DUSP16: variants seen among roughly 807,000 people sequenced by gnomAD.
The protein encoded by DUSP16 is dual specificity protein phosphatase 16.
In DUSP16, 21 loss-of-function variants were observed where a neutral mutation model predicts 58.3. That is an observed-to-expected ratio of 0.36 (90% CI 0.26 to 0.52). DUSP16 has a LOEUF of 0.52. Ranked by LOEUF, DUSP16 falls within the 20% of genes least tolerant of loss-of-function variation. The pLI is 0.94. For missense variants in DUSP16, 726 were observed against 819.0 expected, an observed-to-expected ratio of 0.89 and a Z score of 1.39; for synonymous variants, 320 against 323.8, an observed-to-expected ratio of 0.99 and a Z score of 0.12.
intron 3 of DUSP16, among the ~76,000 whole-genome samples, chr12:12,501,954 C>T (rs1458738102): frequency 6.6e-6 from 1 of 152,112 alleles, no homozygotes; most frequent in African/African-American, 2.4e-5. Flanking sequence ...TGCGCCACTG[C>T]ACTCCAGCCT....
At chr12:12,486,411 A>G (rs1943682869) in intron 5 of DUSP16, among the ~76,000 whole-genome samples, 3 of 151,918 alleles carry the variant, frequency 2.0e-5, no homozygotes. Context: ...GAACAAGCCC[A>G]GGAAGCACAA....
intron 5 of DUSP16, among the ~76,000 whole-genome samples, chr12:12,485,995 G>A (rs1397876023): frequency 6.0e-5 from 9 of 151,216 alleles, no homozygotes; most frequent in Admixed American, 3.3e-4. Context: ...GGTTTTCACT[G>A]TGTTAGCCAG....
At chr12:12,485,406 T>C (rs190997686) in intron 5 of DUSP16, 1 of 152,148 alleles carries the variant, frequency 6.6e-6, no homozygotes, top group Admixed American at 6.5e-5. Flanking sequence ...AACCTGGAAA[T>C]CTTGAAAAAA....
chr12:12,543,137 C>T (rs1309147087), intron 1 of DUSP16, among the ~76,000 whole-genome samples: 3 of 152,118 alleles, frequency 2.0e-5, no homozygotes, highest in Admixed American at 6.6e-5. Context: ...TAAGACTGTA[C>T]TAGACAGTAC....
At chr12:12,518,063 C>T (rs1243099983) in intron 3 of DUSP16, among the ~76,000 whole-genome samples, 4 of 152,212 alleles carry the variant, frequency 2.6e-5, no homozygotes, top group Non-Finnish European at 2.9e-5. Context: ...AGCTAAAGCA[C>T]CTGTGCTAGA....
chr12:12,543,640 TA>T lies in DUSP16; in HGVS notation c.-366+18476del, dbSNP rs1438508019. ...TGAGTGATAAATTGGCTAAATATAT[TA>T]TTATATCAATGTAGTATACCATATG... On this transcript the variant is annotated intron_variant, in intron 1 of 6. Transcript: ENST00000298573. Among the ~76,000 whole-genome samples, 15 of 151,650 alleles carry T rather than the reference TA, an allele frequency of 9.9e-5. 1 individual carries two copies. The highest frequency in any genetic ancestry group is 3.2e-4 in the African/African-American group (13 of 41,002).
At chr12:12,553,910 A>G (rs560430196) in intron 1 of DUSP16, among the ~76,000 whole-genome samples, 2 of 152,278 alleles carry the variant, frequency 1.3e-5, no homozygotes, top group South Asian at 4.1e-4. Flanking sequence ...GAAAATGTCA[A>G]GTGCAGGCCA....
intron 1 of DUSP16, among the ~76,000 whole-genome samples, chr12:12,527,689 T>C (rs544124788): frequency 5.3e-5 from 8 of 152,358 alleles, no homozygotes; most frequent in African/African-American, 1.9e-4. Context: ...TGCCTATTAA[T>C]GTCTGATCAT....
chr12:12,489,145 T>C (rs1019892142), intron 4 of DUSP16, among the ~76,000 whole-genome samples: 1 of 152,178 alleles, frequency 6.6e-6, no homozygotes, highest in Non-Finnish European at 1.5e-5. Context: ...CCATCTCTTA[T>C]CTCTGAGATG....
chr12:12,500,399 C>T (rs1943891325), intron 4 of DUSP16, 120 bp downstream of exon 4: 4 of 1,217,602 alleles, frequency 3.3e-6, no homozygotes, highest in Non-Finnish European at 4.5e-6. Flanking sequence ...GGGGAGCACA[C>T]TGAGAATGGC....
rs1943358852 is a variant in DUSP16 at position 12,473,696 on chromosome 12, G to A, written c.*3137C>T. Among the ~76,000 whole-genome samples, 4 of 152,126 alleles carry A rather than the reference G, an allele frequency of 2.6e-5. No homozygotes were observed. ...TGCACTGAAGCTTTATTCCTTCAAT[G>A]CCTAATTTTTATGAAACTGATGAGA... On this transcript the variant is annotated 3_prime_UTR_variant, in exon 7 of 7. Transcript: ENST00000298573.
At chr12:12,514,959 C>A (rs533554321) in intron 3 of DUSP16, among the ~76,000 whole-genome samples, 12 of 152,146 alleles carry the variant, frequency 7.9e-5, no homozygotes, top group African/African-American at 2.9e-4. Context: ...ATGCCTGGCA[C>A]CTTGTACAAT....
intron 1 of DUSP16, among the ~76,000 whole-genome samples, chr12:12,541,189 A>G (rs1944554917): frequency 6.6e-6 from 1 of 151,632 alleles, no homozygotes; most frequent in Non-Finnish European, 1.5e-5. Context: ...AAACTCCTGG[A>G]CTCAAGCAAT....
At chr12:12,549,076 A>T (rs1944690325) in intron 1 of DUSP16, among the ~76,000 whole-genome samples, 1 of 152,236 alleles carries the variant, frequency 6.6e-6, no homozygotes, top group African/African-American at 2.4e-5. Flanking sequence ...AAATACAATT[A>T]GTCTTTCATT....
At chr12:12,544,474 C>A (rs1318012359) in intron 1 of DUSP16, among the ~76,000 whole-genome samples, 1 of 152,104 alleles carries the variant, frequency 6.6e-6, no homozygotes, top group Non-Finnish European at 1.5e-5. Context: ...TGGGTATACA[C>A]CTAGGAGTGG....
At chr12:12,525,242 G>C (rs548462018) in intron 1 of DUSP16, among the ~76,000 whole-genome samples, 2 of 151,478 alleles carry the variant, frequency 1.3e-5, no homozygotes, top group South Asian at 4.2e-4. Context: ...ATATATGCAT[G>C]TCTGGAAATC....
chr12:12,498,541 A>C (rs971022612), intron 4 of DUSP16, among the ~76,000 whole-genome samples: 1 of 151,862 alleles, frequency 6.6e-6, no homozygotes, highest in Non-Finnish European at 1.5e-5. Context: ...CAGCCTCCCA[A>C]GTAGCTGGAA....
At chr12:12,558,140 T>G (rs1278252464) in intron 1 of DUSP16, among the ~76,000 whole-genome samples, 1 of 152,256 alleles carries the variant, frequency 6.6e-6, no homozygotes, top group African/African-American at 2.4e-5. Context: ...ACTTTTGGAA[T>G]CCATCTCAGC....
At position 12,487,157 on chromosome 12, in the gene DUSP16, CAT is replaced by C; in HGVS notation, c.560_561del (p.Tyr187CysfsTer12). The C allele has an allele frequency of 6.2e-7, 1 of 1,614,116 alleles. No individual in the cohort carries two copies. On this transcript the variant is annotated frameshift_variant, in exon 5 of 7. Coordinates refer to ENST00000298573, the MANE Select transcript of DUSP16 (RefSeq NM_030640.3). LOFTEE classifies it high-confidence loss of function. ...GGACAGGTATTGCTGGCATTTAACA[CAT>C]AACCAATCCCATTCTGCTGCATCAG... ...KELMQQNGIG[Y>X]VLNASNTCPK...
Sources: allele counts gnomAD v4.1 joint callset (sites outside exome capture counted in the v4.1 genomes callset), GRCh38; gene constraint gnomAD v4.1.1; transcripts MANE v1.5; gene names NCBI Gene and HGNC (gene_info 2026-07-23, HGNC 2026-07-21).